The following RGSL1 variants were observed in gnomAD, a reference collection of about 807,000 sequenced individuals.
The protein encoded by RGSL1 is regulator of G protein signaling protein-like.
In RGSL1, 97 loss-of-function variants were observed where a neutral mutation model predicts 124.7. The ratio of observed to expected loss-of-function variants is 0.78; its 90% CI spans 0.66 to 0.92. The LOEUF is 0.92. Ranked by LOEUF, RGSL1 falls within the 40% of genes least tolerant of loss-of-function variation. The pLI is 0.00. For synonymous variants in RGSL1, 424 were observed against 438.1 expected (o/e 0.97, Z 0.40); for missense variants, 1,233 against 1,288.4 (o/e 0.96, Z 0.66).
chr1:182,499,032 A>G (rs1343442567), intron 9 of RGSL1, among the ~76,000 whole-genome samples: 1 of 152,148 alleles, frequency 6.6e-6, no homozygotes, highest in Admixed American at 6.5e-5. Flanking sequence ...ACCTCAGGTG[A>G]TCTTCCTGCC....
intron 8 of RGSL1, among the ~76,000 whole-genome samples, chr1:182,490,669 C>T (rs941694503): frequency 5.9e-5 from 9 of 152,118 alleles, no homozygotes; most frequent in East Asian, 1.9e-4. Context: ...GGGCAATAGG[C>T]GTTACTTTGG....
At chr1:182,470,861 A>G (rs1401273929) in intron 4 of RGSL1, among the ~76,000 whole-genome samples, 4 of 152,188 alleles carry the variant, frequency 2.6e-5, no homozygotes, top group Admixed American at 6.6e-5. Context: ...AGGAAACTAA[A>G]TATGTTTCAC....
chr1:182,548,552 TG>T (rs1222501212), intron 16 of RGSL1, 97 bp downstream of exon 16: 2 of 1,521,530 alleles, frequency 1.3e-6, no homozygotes, highest in Admixed American at 4.1e-5. Context: ...TCATAAGTCC[TG>T]GCTAACTACA....
chr1:182,488,568 T>C (rs1655269542), intron 7 of RGSL1: 2 of 491,838 alleles, frequency 4.1e-6, no homozygotes, highest in Non-Finnish European at 7.2e-6. Context: ...CTACTAAAAA[T>C]ACAAAAAATT....
At chr1:182,511,352 TG>T (rs1657442854) in intron 9 of RGSL1, among the ~76,000 whole-genome samples, 1 of 152,090 alleles carries the variant, frequency 6.6e-6, no homozygotes, top group Non-Finnish European at 1.5e-5. Context: ...TTAGTAGAGA[TG>T]GGGTTTCTCT....
chr1:182,464,493 G>C (rs1653109622), intron 4 of RGSL1, among the ~76,000 whole-genome samples: 1 of 152,164 alleles, frequency 6.6e-6, no homozygotes, highest in African/African-American at 2.4e-5. Context: ...GGAGGCCTTA[G>C]GGGGTGGATC....
chr1:182,516,396 C>T (rs552787548), intron 9 of RGSL1, among the ~76,000 whole-genome samples: 1 of 152,310 alleles, frequency 6.6e-6, no homozygotes, highest in East Asian at 1.9e-4. Context: ...TCTTCTTTAT[C>T]CATTTAGCCA....
chr1:182,517,444 A>G (rs1170649252), intron 9 of RGSL1, among the ~76,000 whole-genome samples: 5 of 34,408 alleles, frequency 1.5e-4, no homozygotes, highest in Admixed American at 8.7e-4. Flanking sequence ...TTCAATTATT[A>G]TTTTTTTTTA....
chr1:182,482,550 C>T (rs748453990), intron 6 of RGSL1, among the ~76,000 whole-genome samples: 3 of 152,098 alleles, frequency 2.0e-5, no homozygotes, highest in Non-Finnish European at 4.4e-5. Flanking sequence ...AACTAATTAG[C>T]GAATTCAGTA....
At chr1:182,507,931 G>A (rs148919366) in intron 9 of RGSL1, among the ~76,000 whole-genome samples, 13 of 152,006 alleles carry the variant, frequency 8.6e-5, no homozygotes, top group East Asian at 1.9e-4. Flanking sequence ...TCGAACTCCC[G>A]GGCTCAAACA....
At chr1:182,502,323 G>A (rs1656456541) in intron 9 of RGSL1, among the ~76,000 whole-genome samples, 1 of 152,104 alleles carries the variant, frequency 6.6e-6, no homozygotes, top group Non-Finnish European at 1.5e-5. Flanking sequence ...GCTCATACCT[G>A]TAATCCCAGC....
intron 9 of RGSL1, among the ~76,000 whole-genome samples, chr1:182,500,370 T>G (rs1656257632): frequency 6.6e-6 from 1 of 152,236 alleles, no homozygotes; most frequent in South Asian, 2.1e-4. Context: ...TCCATTGATC[T>G]CTAAGTTTAT....
At position 182,548,221 on chromosome 1, in the gene RGSL1, C is replaced by T. The variant is rs896196617; in HGVS notation, c.2670-96C>T. On this transcript the variant is annotated intron_variant, in intron 15 of 21. Coordinates refer to ENST00000294854, the MANE Select transcript of RGSL1 (RefSeq NM_001137669.2). ...ACAACCTGGCCTAGAACTGGCCTTG[C>T]GTTTTTTGGGCCAGAAATGAGTCTA... 28 of 1,352,824 alleles carry T rather than the reference C, an allele frequency of 2.1e-5. 1 individual carries two copies. Among genetic ancestry groups the T allele is most frequent in the African/African-American group, 7.3e-5 (5 of 68,354 alleles). The allele number at this position is 1,352,824 out of a possible 1,614,324, so 83.8% of individuals were successfully genotyped here.
In RGSL1 at chr1:182,458,396, G is replaced by A. The variant is rs1202347641; in HGVS notation, c.171+3G>A. The A allele has an allele frequency of 7.7e-6, 12 of 1,550,172 alleles. No individual in the cohort carries two copies. Among genetic ancestry groups the A allele is most frequent in the African/African-American group, 1.4e-5 (1 of 73,008 alleles). The stretch of plus-strand genomic sequence containing the variant: ...GGCCAGAAATACCTTGTAACTTGGT[G>A]AGTAAAATTCTTCAGAGGTAGAGAG... On this transcript the variant is annotated splice_donor_region_variant and intron_variant, in intron 3 of 21. Coordinates refer to ENST00000294854, the MANE Select transcript of RGSL1 (RefSeq NM_001137669.2).
intron 9 of RGSL1, among the ~76,000 whole-genome samples, chr1:182,512,606 C>T (rs1440409341): frequency 6.6e-6 from 1 of 152,172 alleles, no homozygotes; most frequent in African/African-American, 2.4e-5. Flanking sequence ...GTGTGTGTGC[C>T]ACAGTGCTGT....
chr1:182,506,300 G>A (rs1458700136), intron 9 of RGSL1, among the ~76,000 whole-genome samples: 3 of 152,136 alleles, frequency 2.0e-5, no homozygotes, highest in Non-Finnish European at 2.9e-5. Flanking sequence ...ATTTGGCTAA[G>A]CACATTCACA....
chr1:182,522,336 A>G (rs563404482), intron 10 of RGSL1, among the ~76,000 whole-genome samples: 122 of 152,304 alleles, frequency 8.0e-4, no homozygotes, highest in Non-Finnish European at 3.4e-4. Flanking sequence ...AACTTAAACT[A>G]TCATAGACAT....
chr1:182,556,085 T>G lies in RGSL1; in HGVS notation c.*28T>G. On this transcript the variant is annotated 3_prime_UTR_variant, in exon 21 of 22. Transcript: ENST00000294854. ...AAGCGAGACCCCCAGCAGAGATAAA[T>G]CATCTCTTAGAGGCCTCCTAACACT... 1.9e-6 allele frequency: 3 copies of G among 1,548,360 alleles called. No homozygotes were observed. The highest frequency in any genetic ancestry group is 2.6e-6 in the Non-Finnish European group (3 of 1,144,316).
chr1:182,457,993 A>G (rs922254504), intron 2 of RGSL1, among the ~76,000 whole-genome samples: 3 of 152,232 alleles, frequency 2.0e-5, no homozygotes, highest in Non-Finnish European at 2.9e-5. Context: ...CTGAGTACAC[A>G]AAGTAAATAT....
Sources: gnomAD v4.1 joint callset for allele counts (sites outside exome capture counted in the v4.1 genomes callset) on GRCh38, gnomAD v4.1.1 for gene constraint, MANE v1.5 for transcripts, NCBI Gene and HGNC (gene_info 2026-07-23, HGNC 2026-07-21) for gene names.